Variants in UBN2 observed in about 807,000 individuals in gnomAD.
The protein encoded by UBN2 is ubinuclein 2, also known as ubinuclein-2.
Under a neutral mutation model 120.2 loss-of-function variants are expected in UBN2, and 35 were observed. The ratio of observed to expected loss-of-function variants is 0.29; its 90% CI spans 0.22 to 0.39. The LOEUF (loss-of-function observed/expected upper bound fraction) is 0.39, where lower values mean the gene tolerates loss of function less well. Ranked by LOEUF, UBN2 falls within the 10% of genes least tolerant of loss-of-function variation. UBN2 has a pLI of 1.00. For missense variants in UBN2, 1,693 were observed against 1,663.2 expected (o/e 1.02, Z -0.31); for synonymous variants, 661 against 648.7 (o/e 1.02, Z -0.29).
chr7:139,231,746 CG>C lies in UBN2; in HGVS notation c.265del (p.Glu89SerfsTer97). The C allele has an allele frequency of 8.3e-7, 1 of 1,211,394 alleles. No individual in the cohort carries two copies. Among genetic ancestry groups the C allele is most frequent in the Non-Finnish European group, 1.0e-6 (1 of 979,356 alleles). 75.0% of individuals were successfully genotyped at this position (1,211,394 alleles called of 1,614,324 possible). ...SRAEPPMSLQ[R>X]EPPRPEPPPP... is the part of the protein sequence containing the mutation. ...CGCCGAGCCGCCCATGTCGCTGCAG[CG>C]GGAGCCCCCGCGGCCCGAGCCGCCG... On this transcript the variant is annotated frameshift_variant, in exon 1 of 18. Coordinates refer to ENST00000473989, the MANE Select transcript of UBN2 (RefSeq NM_173569.4). LOFTEE classifies it high-confidence loss of function.
At chr7:139,258,919 C>T (rs574116895) in intron 4 of UBN2, among the ~76,000 whole-genome samples, 3 of 152,130 alleles carry the variant, frequency 2.0e-5, no homozygotes, top group African/African-American at 4.8e-5. Context: ...TAGCTGTTAC[C>T]TTTCCTAAGA....
At chr7:139,258,451 C>T (rs746794797) in intron 3 of UBN2, 37 bp from the exon 4 acceptor site, 7 of 1,493,210 alleles carry the variant, frequency 4.7e-6, no homozygotes, top group Non-Finnish European at 4.5e-6. Flanking sequence ...TTAAAGACAA[C>T]AGGATATAGC....
Position 139,301,093 on chromosome 7 carries a change from C to A in UBN2, c.*3257C>A, listed in dbSNP as rs913250506. On this transcript the variant is annotated 3_prime_UTR_variant, in exon 18 of 18. Transcript: ENST00000473989. Reference sequence around the variant, plus strand: ...TAGTGCATTCTTTTGTGCCCACCCCCCCTCTGATGGATGTTGTTAGCCCAA... The same window carrying A: ...TAGTGCATTCTTTTGTGCCCACCCCACCTCTGATGGATGTTGTTAGCCCAA... 3 of 152,240 alleles carry A rather than the reference C, an allele frequency of 2.0e-5. No individual in the cohort carries two copies. Among genetic ancestry groups the A allele is most frequent in the African/African-American group, 7.2e-5 (3 of 41,548 alleles). 9.4% of individuals were successfully genotyped at this position (152,240 alleles called of 1,614,324 possible). A position where few individuals can be genotyped will look rare whatever the true frequency, so the allele number is the denominator to read the frequency against.
chr7:139,235,546 A>G (rs1020297780), intron 1 of UBN2, among the ~76,000 whole-genome samples: 3 of 152,198 alleles, frequency 2.0e-5, no homozygotes, highest in East Asian at 1.9e-4. Context: ...AGCTGGGACT[A>G]CAGGCGTGTG....
At chr7:139,319,932 T>C in the UBN2 span, among the ~76,000 whole-genome samples, 14 of 150,818 alleles carry the variant, frequency 9.3e-5, no homozygotes, top group African/African-American at 3.2e-4. Context: ...AAAAATTAGC[T>C]GAGTGTGGTG....
chr7:139,247,118 A>G (rs1294317375), intron 2 of UBN2, among the ~76,000 whole-genome samples: 1 of 152,052 alleles, frequency 6.6e-6, no homozygotes, highest in Non-Finnish European at 1.5e-5. Flanking sequence ...TATGCTTAAT[A>G]AGAAACTACC....
chr7:139,257,239 G>A (rs1248387522), intron 3 of UBN2, among the ~76,000 whole-genome samples: 1 of 152,088 alleles, frequency 6.6e-6, no homozygotes, highest in Non-Finnish European at 1.5e-5. Flanking sequence ...TAGCCTTTGG[G>A]AACATAAGTG....
At chr7:139,258,229 C>G (rs1796820775) in intron 3 of UBN2, among the ~76,000 whole-genome samples, 1 of 152,080 alleles carries the variant, frequency 6.6e-6, no homozygotes, top group Non-Finnish European at 1.5e-5. Flanking sequence ...TAGCAGTGAT[C>G]CTTAAATTTT....
intron 6 of UBN2, among the ~76,000 whole-genome samples, chr7:139,265,433 G>A (rs926487143): frequency 3.5e-4 from 53 of 152,194 alleles, no homozygotes; most frequent in Admixed American, 2.2e-3. Flanking sequence ...AGCCGAGATC[G>A]CGCCACTGCA....
chr7:139,308,455 A>G (rs1291166582), downstream of UBN2, among the ~76,000 whole-genome samples: 2 of 152,184 alleles, frequency 1.3e-5, no homozygotes, highest in African/African-American at 2.4e-5. Context: ...ATTTTGGTCC[A>G]TTTGTGTTCC....
At chr7:139,279,772 C>T (rs1262155649) in intron 13 of UBN2, among the ~76,000 whole-genome samples, 5 of 152,152 alleles carry the variant, frequency 3.3e-5, no homozygotes, top group African/African-American at 7.2e-5. Context: ...TTTCTTTTTA[C>T]GTTTCTTCTC....
intron 12 of UBN2, among the ~76,000 whole-genome samples, chr7:139,278,181 C>CTTTT (rs75636576): frequency 7.5e-6 from 1 of 133,832 alleles, no homozygotes; most frequent in Non-Finnish European, 1.6e-5. Flanking sequence ...CTCTCTCTGG[C>CTTTT]TTTTTTTTTT....
At chr7:139,280,708 C>T (rs1446777491) in intron 13 of UBN2, among the ~76,000 whole-genome samples, 9 of 152,120 alleles carry the variant, frequency 5.9e-5, no homozygotes, top group South Asian at 2.1e-4. Context: ...TGCAGTGGTG[C>T]GATCTCGGCT....
chr7:139,312,763 A>G (rs1798465291), downstream of UBN2, among the ~76,000 whole-genome samples: 1 of 152,184 alleles, frequency 6.6e-6, no homozygotes, highest in Non-Finnish European at 1.5e-5. Flanking sequence ...ATTTTCTCCT[A>G]TGAGCTTTAT....
chr7:139,235,619 C>T (rs1458904944), intron 1 of UBN2, among the ~76,000 whole-genome samples: 4 of 152,104 alleles, frequency 2.6e-5, no homozygotes, highest in African/African-American at 9.7e-5. Context: ...GTTGGCTAGC[C>T]TGGTCTTGAA....
In UBN2 at chr7:139,293,405, T is replaced by C. The variant is rs182788303; in HGVS notation, c.3843T>C (p.Ala1281=). The C allele has an allele frequency of 1.2e-6, 2 of 1,614,146 alleles. No homozygotes were observed. Among genetic ancestry groups the C allele is most frequent in the Non-Finnish European group, 1.7e-6 (2 of 1,180,006 alleles). The change falls in exon 16 of 18, where the codon GCT becomes GCC. Residue 1281 remains alanine (A), a synonymous_variant. Transcript: ENST00000473989. Reference sequence around the variant, plus strand: ...TATTTGGCTTTGGAACGGACACAGCTGGAGTGACAACCACCTCGGGATCTA... The same window carrying C: ...TATTTGGCTTTGGAACGGACACAGCCGGAGTGACAACCACCTCGGGATCTA... The part of the protein sequence containing the change: ...LEIFGFGTDT[A]GVTTTSGSTS...
chr7:139,258,523 A>G lies in UBN2; in HGVS notation c.699A>G (p.Lys233=). 6.2e-7 allele frequency: 1 copy of G among 1,602,118 alleles called. No homozygotes were observed. The highest frequency in any genetic ancestry group is 8.5e-7 in the Non-Finnish European group (1 of 1,173,622). ...DELVPASLTT[K]YGGFYINTGT... is the part of the protein sequence containing the mutation. ...TAGTTCCCGCTTCTCTAACAACAAA[A>G]TATGGAGGCTTTTATATCAACACTG... is the stretch of plus-strand genomic sequence containing the variant. Residue 233 remains lysine, a synonymous_variant, in exon 4 of 18, where the codon AAA becomes AAG. Transcript: ENST00000473989.
intron 8 of UBN2, among the ~76,000 whole-genome samples, chr7:139,271,641 A>G (rs1294864258): frequency 1.3e-5 from 2 of 152,186 alleles, no homozygotes; most frequent in East Asian, 3.8e-4. Context: ...TTCTGCACCT[A>G]TGATGGTGAT....
chr7:139,248,042 C>G (rs912383923), intron 2 of UBN2, among the ~76,000 whole-genome samples: 6 of 152,184 alleles, frequency 3.9e-5, no homozygotes, highest in Middle Eastern at 6.8e-3. Flanking sequence ...GGTAAGTGCT[C>G]AGTAAGTTTG....
Sources: gnomAD v4.1 joint callset for allele counts (sites outside exome capture counted in the v4.1 genomes callset) on GRCh38, gnomAD v4.1.1 for gene constraint, MANE v1.5 for transcripts, NCBI Gene and HGNC (gene_info 2026-07-23, HGNC 2026-07-21) for gene names.